The following CDH23 variants were observed in gnomAD, a reference collection of about 807,000 sequenced individuals.
The protein encoded by CDH23 is cadherin-23.
In CDH23, 189 loss-of-function variants were observed where a neutral mutation model predicts 317.1. The ratio of observed to expected loss-of-function variants is 0.60; its 90% CI spans 0.53 to 0.67. The LOEUF is 0.67. Among genes scored for constraint, CDH23 ranks in the 30% least tolerant of loss-of-function variants. The pLI, the probability that CDH23 is intolerant of heterozygous loss-of-function variation, is 0.00. For synonymous variants in CDH23, 1,839 were observed against 1,876.8 expected, an observed-to-expected ratio of 0.98 and a Z score of 0.52; for missense variants, 4,401 against 4,592.4, an observed-to-expected ratio of 0.96 and a Z score of 1.20.
chr10:71,686,675 C>G (rs1864912666), intron 18 of CDH23, among the ~76,000 whole-genome samples: 1 of 152,128 alleles, frequency 6.6e-6, no homozygotes. Flanking sequence ...CAGGAACTGC[C>G]AAAGACTGTA....
At chr10:71,760,377 A>G (rs1160355431) in intron 38 of CDH23, 1 of 152,542 alleles carries the variant, frequency 6.6e-6, no homozygotes, top group East Asian at 1.9e-4. Context: ...AGTGCCCAGC[A>G]CAGTGGGAAC....
chr10:71,512,651 G>C (rs920825329), intron 6 of CDH23, among the ~76,000 whole-genome samples: 5 of 152,176 alleles, frequency 3.3e-5, no homozygotes, highest in Non-Finnish European at 5.9e-5. Context: ...CTGGCAAGGA[G>C]ACGAGGGGTC....
At chr10:71,782,214 C>T (rs1840976498) in intron 41 of CDH23, among the ~76,000 whole-genome samples, 1 of 152,238 alleles carries the variant, frequency 6.6e-6, no homozygotes, top group Non-Finnish European at 1.5e-5. Context: ...CCTCTCCCGC[C>T]AGCGCCTGCC....
intron 14 of CDH23, among the ~76,000 whole-genome samples, chr10:71,648,887 C>T (rs913556392): frequency 6.6e-6 from 1 of 152,080 alleles, no homozygotes; most frequent in Non-Finnish European, 1.5e-5. Context: ...AAGGTGAGGG[C>T]CCATTTCATC....
intron 26 of CDH23, chr10:71,707,319 C>A (rs1341826286): frequency 2.8e-6 from 4 of 1,422,870 alleles, no homozygotes; most frequent in Non-Finnish European, 3.7e-6. Flanking sequence ...AAGGTTCATT[C>A]TAGAGGGAGG....
intron 6 of CDH23, among the ~76,000 whole-genome samples, chr10:71,537,062 C>T (rs761139524): frequency 2.0e-4 from 30 of 152,100 alleles, no homozygotes; most frequent in Admixed American, 5.9e-4. Flanking sequence ...CAGGAGCTGG[C>T]GCTGACCCTC....
intron 28 of CDH23, among the ~76,000 whole-genome samples, chr10:71,722,068 T>A (rs1481887950): frequency 6.6e-6 from 1 of 152,234 alleles, no homozygotes; most frequent in Non-Finnish European, 1.5e-5. Flanking sequence ...CCATCTTCTC[T>A]GCAGTTTTGT....
chr10:71,692,575 C>T (rs1227080), intron 20 of CDH23, among the ~76,000 whole-genome samples: 111,564 of 152,168 alleles, frequency 0.73, 42,115 homozygotes, highest in East Asian at 0.86. Flanking sequence ...GAGTGTGGCT[C>T]GTTGGGCAGA....
At chr10:71,551,462 G>A (rs1237068136) in intron 6 of CDH23, among the ~76,000 whole-genome samples, 1 of 152,174 alleles carries the variant, frequency 6.6e-6, no homozygotes, top group Admixed American at 6.5e-5. Flanking sequence ...TCCAGAAGGG[G>A]CTTGGAAGGC....
At chr10:71,636,311 G>A (rs554784660) in intron 11 of CDH23, among the ~76,000 whole-genome samples, 1 of 152,248 alleles carries the variant, frequency 6.6e-6, no homozygotes, top group African/African-American at 2.4e-5. Context: ...CTTGAGCCCA[G>A]GAGTTCAAGA....
intron 24 of CDH23, among the ~76,000 whole-genome samples, chr10:71,703,343 A>G (rs1164287835): frequency 2.6e-5 from 4 of 152,218 alleles, no homozygotes; most frequent in Non-Finnish European, 4.4e-5. Context: ...TGGGCCGTGG[A>G]GTCCAACCAA....
intron 6 of CDH23, among the ~76,000 whole-genome samples, chr10:71,538,839 C>T (rs1015793193): frequency 2.6e-5 from 4 of 152,204 alleles, no homozygotes; most frequent in African/African-American, 7.2e-5. Flanking sequence ...GGAGTTCTTA[C>T]CGCTCAGTAT....
intron 26 of CDH23, 135 bp from the exon 27 acceptor site, chr10:71,708,963 G>A: frequency 1.3e-6 from 1 of 786,080 alleles, no homozygotes; most frequent in Non-Finnish European, 2.2e-6. Flanking sequence ...AGCACCTCAG[G>A]CAGGGCCGAA....
intron 3 of CDH23, among the ~76,000 whole-genome samples, chr10:71,502,076 A>G (rs1223538738): frequency 6.6e-6 from 1 of 152,214 alleles, no homozygotes. Flanking sequence ...CCTCTCTGCA[A>G]AATGAGAAGG....
intron 9 of CDH23, among the ~76,000 whole-genome samples, chr10:71,597,720 G>A (rs761819148): frequency 1.2e-4 from 18 of 152,264 alleles, no homozygotes; most frequent in Admixed American, 3.9e-4. Context: ...ACAGTTTAAT[G>A]GCTACCATTG....
chr10:71,477,811 T>C (rs1339884847), intron 3 of CDH23, among the ~76,000 whole-genome samples: 5 of 152,188 alleles, frequency 3.3e-5, no homozygotes, highest in Admixed American at 3.3e-4. Flanking sequence ...ACTTGTGAAA[T>C]GTCGCTCACA....
chr10:71,607,680 A>T (rs1860614438), intron 9 of CDH23, among the ~76,000 whole-genome samples: 1 of 152,118 alleles, frequency 6.6e-6, no homozygotes, highest in South Asian at 2.1e-4. Flanking sequence ...AGGCCAGAGG[A>T]TTGCTTGGGC....
chr10:71,482,687 T>C (rs2132118603), intron 3 of CDH23, among the ~76,000 whole-genome samples: 2 of 152,156 alleles, frequency 1.3e-5, no homozygotes, highest in South Asian at 4.1e-4. Flanking sequence ...ATCTCTTGCC[T>C]CCAAAAAGAC....
chr10:71,576,413 G>A (rs1297863584), intron 8 of CDH23, among the ~76,000 whole-genome samples: 2 of 152,168 alleles, frequency 1.3e-5, no homozygotes, highest in African/African-American at 4.8e-5. Context: ...TCATGGCAGC[G>A]AGACTGGGTG....
Sources: allele counts gnomAD v4.1 joint callset (sites outside exome capture counted in the v4.1 genomes callset), GRCh38; gene constraint gnomAD v4.1.1; transcripts MANE v1.5; gene names NCBI Gene and HGNC (gene_info 2026-07-23, HGNC 2026-07-21).